The following CFAP61 variants were observed in gnomAD, a reference collection of about 807,000 sequenced individuals.
The protein encoded by CFAP61 is cilia and flagella associated protein 61, also known as cilia- and flagella-associated protein 61.
In CFAP61, 107 loss-of-function variants were observed where a neutral mutation model predicts 135.6. The ratio of observed to expected loss-of-function variants is 0.79; its 90% CI spans 0.67 to 0.93. The LOEUF (loss-of-function observed/expected upper bound fraction) is 0.93, where lower values mean the gene tolerates loss of function less well. Among genes scored for constraint, CFAP61 ranks in the 40% least tolerant of loss-of-function variants. CFAP61 has a pLI of 0.00. For synonymous variants in CFAP61, 575 were observed against 578.5 expected, an observed-to-expected ratio of 0.99 and a Z score of 0.09; for missense variants, 1,507 against 1,556.2, an observed-to-expected ratio of 0.97 and a Z score of 0.53.
At chr20:20,307,593 T>G (rs963239287) in intron 25 of CFAP61, among the ~76,000 whole-genome samples, 4 of 152,246 alleles carry the variant, frequency 2.6e-5, no homozygotes, top group Non-Finnish European at 5.9e-5. Flanking sequence ...ATGCAGTGCT[T>G]CTTTTAATAA....
At chr20:20,099,127 TCACACACA>T (rs11087302) in intron 8 of CFAP61, among the ~76,000 whole-genome samples, 4 of 149,354 alleles carry the variant, frequency 2.7e-5, no homozygotes, top group Admixed American at 6.7e-5. Flanking sequence ...GTTTCAGGTT[TCACACACA>T]CACACACACA....
At chr20:20,299,821 A>C (rs934183606) in intron 25 of CFAP61, among the ~76,000 whole-genome samples, 4 of 152,190 alleles carry the variant, frequency 2.6e-5, no homozygotes, top group Non-Finnish European at 5.9e-5. Flanking sequence ...GTTCCAGTTC[A>C]GGGCCATTAC....
At position 20,199,897 on chromosome 20, in the gene CFAP61, G is replaced by T. The variant is rs1234867294; in HGVS notation, c.1927G>T (p.Asp643Tyr). 1.9e-6 allele frequency: 3 copies of T among 1,613,968 alleles called. No homozygotes were observed. The highest frequency in any genetic ancestry group is 1.3e-5 in the African/African-American group (1 of 75,056). Reference protein sequence around the residue: ...INAPSKAVSKDPMSYALNHTN... With the variant: ...INAPSKAVSKYPMSYALNHTN... ...CGCTCCATCAAAGGCGGTCTCCAAGGATCCGGTGGGTAGCAGGGCGGCAGG... is the reference window on the plus strand; with the variant it reads ...CGCTCCATCAAAGGCGGTCTCCAAGTATCCGGTGGGTAGCAGGGCGGCAGG... The change falls in exon 17 of 27, where the codon GAT becomes TAT. Residue 643 changes from aspartate (D) to tyrosine (Y), a missense_variant. Transcript: ENST00000245957.
At chr20:20,201,875 G>A (rs2056638277) in intron 17 of CFAP61, among the ~76,000 whole-genome samples, 2 of 152,184 alleles carry the variant, frequency 1.3e-5, no homozygotes, top group South Asian at 2.1e-4. Context: ...GGCAGCGTGG[G>A]TGGCCTGGCT....
At chr20:20,240,062 T>G (rs184030682) in intron 18 of CFAP61, among the ~76,000 whole-genome samples, 1 of 152,156 alleles carries the variant, frequency 6.6e-6, no homozygotes, top group African/African-American at 2.4e-5. Context: ...AAAGCTTTGA[T>G]GGAGATAGAG....
chr20:20,268,522 C>CAGTG (rs1372833228), intron 21 of CFAP61, among the ~76,000 whole-genome samples: 1 of 152,198 alleles, frequency 6.6e-6, no homozygotes, highest in Non-Finnish European at 1.5e-5. Context: ...AAGGAGAACA[C>CAGTG]AGTGGTTCTG....
Position 20,071,213 on chromosome 20 carries a change from G to A in CFAP61, c.294+209G>A, listed in dbSNP as rs565978761. Among the ~76,000 whole-genome samples the A allele has an allele frequency of 2.1e-4, 32 of 152,310 alleles. No individual in the cohort carries two copies. In the South Asian group the frequency reaches 5.0e-3, roughly 24 times the overall value. On this transcript the variant is annotated intron_variant, in intron 3 of 26. Coordinates refer to ENST00000245957, the MANE Select transcript of CFAP61 (RefSeq NM_015585.4). ...CAGGGAGTAGCCAAGTTGGCTAGCC[G>A]CTGGCAAGGCCTGGATCGTGCTTCA...
intron 25 of CFAP61, among the ~76,000 whole-genome samples, chr20:20,337,870 T>C (rs911394292): frequency 6.6e-6 from 1 of 152,106 alleles, no homozygotes; most frequent in African/African-American, 2.4e-5. Flanking sequence ...CTGGCCAGAC[T>C]GGTGGGAAAG....
intron 25 of CFAP61, among the ~76,000 whole-genome samples, chr20:20,313,084 T>C (rs1337027838): frequency 6.6e-6 from 1 of 152,214 alleles, no homozygotes; most frequent in Non-Finnish European, 1.5e-5. Context: ...TGTGACTGTA[T>C]CTGGACATAC....
At chr20:20,348,066 G>A (rs1013331500) in intron 26 of CFAP61, among the ~76,000 whole-genome samples, 6 of 151,962 alleles carry the variant, frequency 3.9e-5, no homozygotes, top group Admixed American at 2.6e-4. Context: ...GCCCAAGACC[G>A]GATGGCTTCG....
At chr20:20,344,304 G>A (rs1245264042) in intron 26 of CFAP61, among the ~76,000 whole-genome samples, 4 of 152,178 alleles carry the variant, frequency 2.6e-5, no homozygotes, top group Non-Finnish European at 5.9e-5. Context: ...TGACCACCAC[G>A]AGCAGCAGTG....
intron 7 of CFAP61, among the ~76,000 whole-genome samples, chr20:20,094,954 G>C (rs2047459848): frequency 6.6e-6 from 1 of 152,106 alleles, no homozygotes; most frequent in Admixed American, 6.5e-5. Context: ...TGGCTCTCAA[G>C]GGCTGATTGT....
chr20:20,269,146 T>TAC (rs1192884602), intron 21 of CFAP61, among the ~76,000 whole-genome samples: 4,774 of 85,402 alleles, frequency 0.056, 211 homozygotes, highest in Middle Eastern at 0.085. Flanking sequence ...TATATATATA[T>TAC]ACACACACAC....
chr20:20,123,383 C>G (rs1395943171), intron 8 of CFAP61, among the ~76,000 whole-genome samples: 1 of 151,672 alleles, frequency 6.6e-6, no homozygotes, highest in Non-Finnish European at 1.5e-5. Flanking sequence ...GTGTTATCTT[C>G]TAGAATTTTT....
chr20:20,280,225 C>G (rs2054096457), intron 22 of CFAP61, among the ~76,000 whole-genome samples: 1 of 152,078 alleles, frequency 6.6e-6, no homozygotes, highest in Non-Finnish European at 1.5e-5. Flanking sequence ...ATGAAGAAAA[C>G]CTCACGACAG....
chr20:20,090,960 A>G lies in CFAP61; in HGVS notation c.683A>G (p.His228Arg), dbSNP rs1457623111. The G allele has an allele frequency of 1.2e-6, 2 of 1,614,140 alleles. No individual in the cohort carries two copies. Among genetic ancestry groups the G allele is most frequent in the Admixed American group, 1.7e-5 (1 of 60,026 alleles). The change falls in exon 7 of 27, where the codon CAT becomes CGT. Residue 228 changes from histidine (H) to arginine (R), a missense_variant. Transcript: ENST00000245957. ...ELIEAQDEENHAVVCEVEGTA... is the reference protein window; with the variant it reads ...ELIEAQDEENRAVVCEVEGTA... ...ATAGAGGCCCAAGATGAAGAGAATC[A>G]TGCTGTTGTGTGTGAGGTCAGTGAC...
intron 8 of CFAP61, among the ~76,000 whole-genome samples, chr20:20,132,118 T>C (rs1043666349): frequency 7.9e-5 from 12 of 152,114 alleles, no homozygotes; most frequent in African/African-American, 2.7e-4. Flanking sequence ...ACCATTCTAC[T>C]CTCTGCTTCT....
At chr20:20,193,938 ATGT>A (rs2056106165) in intron 15 of CFAP61, among the ~76,000 whole-genome samples, 1 of 152,186 alleles carries the variant, frequency 6.6e-6, no homozygotes, top group African/African-American at 2.4e-5. Flanking sequence ...TCTCATCAGA[ATGT>A]TGTCTTCCAG....
intron 21 of CFAP61, among the ~76,000 whole-genome samples, chr20:20,270,290 C>G (rs1411888849): frequency 6.6e-6 from 1 of 152,168 alleles, no homozygotes; most frequent in African/African-American, 2.4e-5. Context: ...TCCCGATTCT[C>G]TCCATGGAGA....
Sources: gnomAD v4.1 joint callset for allele counts (sites outside exome capture counted in the v4.1 genomes callset) on GRCh38, gnomAD v4.1.1 for gene constraint, MANE v1.5 for transcripts, NCBI Gene and HGNC (gene_info 2026-07-23, HGNC 2026-07-21) for gene names.